Variants in ANKRD6 observed in about 807,000 individuals in gnomAD.
ANKRD6 encodes ankyrin repeat domain 6.
ANKRD6 carries 56 observed loss-of-function variants against 82.3 expected under a neutral mutation model. The observed-to-expected ratio is 0.68, with a 90% confidence interval of 0.55 to 0.85. The LOEUF is 0.85. ANKRD6 is among the 40% of genes least tolerant of loss of function. The pLI, the probability that ANKRD6 is intolerant of heterozygous loss-of-function variation, is 0.00. For missense variants in ANKRD6, 852 were observed against 907.6 expected, an observed-to-expected ratio of 0.94 and a Z score of 0.79; for synonymous variants, 347 against 352.1, an observed-to-expected ratio of 0.99 and a Z score of 0.16.
rs1258429765 is a variant in ANKRD6, at chr6:89,612,289, G to A, written c.435G>A (p.Leu145=). Residue 145 remains leucine (L), a synonymous_variant, in exon 6 of 16, where the codon CTG becomes CTA. Transcript: ENST00000339746. ...LAKNKAGNTA[L]HLACQNSHSQ... is the part of the protein sequence containing the mutation. ...TCTCCAAGGCGGGGAACACAGCTCT[G>A]CACCTGGCCTGCCAGAACAGCCACT... 6.4e-7 allele frequency: 1 copy of A among 1,559,460 alleles called. No homozygotes were observed. The highest frequency in any genetic ancestry group is 2.4e-5 in the East Asian group (1 of 41,660).
At chr6:89,479,601 T>TTA (rs1554218223) in intron 1 of ANKRD6, among the ~76,000 whole-genome samples, 57 of 149,716 alleles carry the variant, frequency 3.8e-4, no homozygotes, top group African/African-American at 1.3e-3. Flanking sequence ...TATTTTTTAT[T>TTA]TTTATTTATT....
intron 2 of ANKRD6, among the ~76,000 whole-genome samples, chr6:89,594,457 GAA>G (rs56046304): frequency 2.7e-5 from 4 of 148,782 alleles, no homozygotes; most frequent in East Asian, 2.0e-4. Flanking sequence ...CTGTCTCAAA[GAA>G]AAAAAAAAAC....
intron 1 of ANKRD6, chr6:89,560,834 A>C (rs1010742792): frequency 2.6e-5 from 4 of 152,362 alleles, no homozygotes; most frequent in African/African-American, 9.6e-5. Flanking sequence ...CCAAAAAAAA[A>C]GAAAAAAGAA....
intron 2 of ANKRD6, among the ~76,000 whole-genome samples, chr6:89,573,676 T>A (rs889333979): frequency 2.0e-5 from 3 of 152,252 alleles, no homozygotes; most frequent in African/African-American, 7.2e-5. Flanking sequence ...CTCCTTATTC[T>A]ACCCTCTTGC....
Position 89,617,967 on chromosome 6 carries a change from C to T in ANKRD6, c.728C>T (p.Pro243Leu), listed in dbSNP as rs1240644994. ...TTIVNNAGQT[P>L]LETARYHNNP... ...GCCTCTCCTCAGGCAGGCCAGACTC[C>T]GCTGGAGACTGCCCGCTACCACAAT... Residue 243 changes from proline (P) to leucine (L), a missense_variant, in exon 9 of 16, where the codon CCG becomes CTG. By Grantham distance (98) the Pro-to-Leu change is moderately conservative (BLOSUM62 -3). Coordinates refer to ENST00000339746, the MANE Select transcript of ANKRD6 (RefSeq NM_001242809.2). The T allele has an allele frequency of 4.3e-6, 7 of 1,613,908 alleles. No individual in the cohort carries two copies. The highest frequency in any genetic ancestry group is 5.9e-6 in the Non-Finnish European group (7 of 1,179,904).
chr6:89,484,647 G>A (rs936753815), intron 1 of ANKRD6, among the ~76,000 whole-genome samples: 7 of 152,114 alleles, frequency 4.6e-5, no homozygotes, highest in African/African-American at 1.2e-4. Flanking sequence ...GCATCCTTAA[G>A]CCTTGAATAT....
intron 1 of ANKRD6, among the ~76,000 whole-genome samples, chr6:89,441,632 T>A (rs1171386419): frequency 7.0e-6 from 1 of 142,128 alleles, no homozygotes; most frequent in Non-Finnish European, 1.5e-5. Context: ...TTTTTTTTTT[T>A]TTTTTTTTTT....
At chr6:89,583,384 T>A (rs1388440839) in intron 2 of ANKRD6, among the ~76,000 whole-genome samples, 1 of 152,226 alleles carries the variant, frequency 6.6e-6, no homozygotes, top group Non-Finnish European at 1.5e-5. Context: ...GTGTGGCTTG[T>A]CTATGAGATA....
intron 1 of ANKRD6, among the ~76,000 whole-genome samples, chr6:89,477,825 T>A (rs1242123660): frequency 2.7e-5 from 4 of 146,878 alleles, no homozygotes; most frequent in Non-Finnish European, 4.5e-5. Flanking sequence ...TTGAAAAAAA[T>A]TTTTTTAATT....
chr6:89,481,360 A>G (rs1171520808), intron 1 of ANKRD6, among the ~76,000 whole-genome samples: 1 of 152,218 alleles, frequency 6.6e-6, no homozygotes, highest in Non-Finnish European at 1.5e-5. Context: ...TTGAGTGCCA[A>G]CATGACGCTC....
Position 89,631,210 on chromosome 6 carries a change from C to A in ANKRD6, c.*206C>A. 1.0e-6 allele frequency: 1 copy of A among 960,856 alleles called. No homozygotes were observed. Among genetic ancestry groups the A allele is most frequent in the Non-Finnish European group, 1.4e-6 (1 of 714,902 alleles). 59.5% of individuals were successfully genotyped at this position (960,856 alleles called of 1,614,324 possible). A position where few individuals can be genotyped will look rare whatever the true frequency, so the allele number is the denominator to read the frequency against. On this transcript the variant is annotated 3_prime_UTR_variant, in exon 16 of 16. Coordinates refer to ENST00000339746, the MANE Select transcript of ANKRD6 (RefSeq NM_001242809.2). The stretch of plus-strand genomic sequence containing the variant: ...ACAATTAAACTGAAACCAGGGGAAG[C>A]TTGCTTAGTTTTGGGTTTCATTATA...
At chr6:89,530,979 C>G (rs1171290037) in intron 1 of ANKRD6, among the ~76,000 whole-genome samples, 1 of 152,218 alleles carries the variant, frequency 6.6e-6, no homozygotes, top group African/African-American at 2.4e-5. Flanking sequence ...GGTTTGTTTT[C>G]ATGACACATA....
chr6:89,557,037 G>C (rs1230074376), intron 1 of ANKRD6, among the ~76,000 whole-genome samples: 2 of 152,088 alleles, frequency 1.3e-5, no homozygotes, highest in African/African-American at 4.8e-5. Context: ...AAATGGGGGA[G>C]GAATGTTCCA....
chr6:89,454,175 G>T (rs912180489), intron 1 of ANKRD6, among the ~76,000 whole-genome samples: 1 of 152,038 alleles, frequency 6.6e-6, no homozygotes, highest in African/African-American at 2.4e-5. Flanking sequence ...CTTTTCTCAT[G>T]TAAGTCAGTA....
chr6:89,614,348 T>C (rs1015458696), intron 7 of ANKRD6, among the ~76,000 whole-genome samples: 1 of 151,946 alleles, frequency 6.6e-6, no homozygotes, highest in Admixed American at 6.6e-5. Context: ...CTACAAAAAA[T>C]TTTTTTAAAA....
intron 1 of ANKRD6, among the ~76,000 whole-genome samples, chr6:89,444,050 A>G (rs1469013011): frequency 1.3e-5 from 2 of 152,250 alleles, no homozygotes; most frequent in Non-Finnish European, 2.9e-5. Flanking sequence ...TAAAGTTAAA[A>G]TGAGCACTGT....
intron 1 of ANKRD6, among the ~76,000 whole-genome samples, chr6:89,494,114 G>C (rs1308041765): frequency 3.9e-5 from 6 of 151,986 alleles, no homozygotes; most frequent in Non-Finnish European, 7.4e-5. Context: ...CCAGGAGTTT[G>C]AGACCAGCCT....
chr6:89,503,413 G>A (rs1420190294), intron 1 of ANKRD6, among the ~76,000 whole-genome samples: 1 of 152,180 alleles, frequency 6.6e-6, no homozygotes, highest in Non-Finnish European at 1.5e-5. Context: ...ATCTCATAAA[G>A]CCCCTGGGCT....
chr6:89,445,125 C>T (rs903330443), intron 1 of ANKRD6, among the ~76,000 whole-genome samples: 2 of 152,056 alleles, frequency 1.3e-5, no homozygotes, highest in African/African-American at 4.8e-5. Context: ...CTGTGTTGAG[C>T]GTCTATCAAT....
Sources: allele counts gnomAD v4.1 joint callset (sites outside exome capture counted in the v4.1 genomes callset), GRCh38; gene constraint gnomAD v4.1.1; transcripts MANE v1.5; gene names NCBI Gene and HGNC (gene_info 2026-07-23, HGNC 2026-07-21).